STK3: variants seen among roughly 807,000 people sequenced by gnomAD.
STK3 encodes serine/threonine kinase 3.
A neutral mutation model predicts 58.0 loss-of-function variants in STK3; 41 were observed. The ratio of observed to expected loss-of-function variants is 0.71; its 90% CI spans 0.55 to 0.92. The LOEUF (loss-of-function observed/expected upper bound fraction) is 0.92, where lower values mean the gene tolerates loss of function less well. STK3 is among the 40% of genes least tolerant of loss of function. STK3 has a pLI of 0.00. For missense variants in STK3, 479 were observed against 602.7 expected (o/e 0.79, Z 2.15); for synonymous variants, 170 against 191.0 (o/e 0.89, Z 0.91).
intron 3 of STK3, among the ~76,000 whole-genome samples, chr8:98,761,502 T>A (rs1830612582): frequency 6.6e-6 from 1 of 152,216 alleles, no homozygotes; most frequent in Non-Finnish European, 1.5e-5. Flanking sequence ...GTATACTTTT[T>A]AAAAGTCTTC....
intron 1 of STK3, among the ~76,000 whole-genome samples, chr8:98,923,854 T>TGTGCGC (rs1491486943): frequency 1.3e-3 from 151 of 113,670 alleles, no homozygotes; most frequent in East Asian, 4.5e-3. Flanking sequence ...TGTGTGTGTG[T>TGTGCGC]GCGCGCGCGC....
chr8:98,604,323 C>T (rs895258520), intron 6 of STK3, among the ~76,000 whole-genome samples: 24 of 152,294 alleles, frequency 1.6e-4, no homozygotes, highest in African/African-American at 4.3e-4. Flanking sequence ...TGATAAAAGG[C>T]GTGGGCTCCC....
At chr8:98,566,554 A>G (rs1586878950) in intron 8 of STK3, among the ~76,000 whole-genome samples, 1 of 152,206 alleles carries the variant, frequency 6.6e-6, no homozygotes, top group Non-Finnish European at 1.5e-5. Context: ...TCAGTTCTGA[A>G]ATTCTGAAAT....
At chr8:98,380,539 G>A (rs918955189) in intron 1 of STK3, among the ~76,000 whole-genome samples, 4 of 152,228 alleles carry the variant, frequency 2.6e-5, no homozygotes, top group East Asian at 1.9e-4. Context: ...TTATTTCGAG[G>A]AATGCTATTT....
chr8:98,753,043 T>C (rs991389775), intron 3 of STK3, among the ~76,000 whole-genome samples: 2 of 151,634 alleles, frequency 1.3e-5, no homozygotes, highest in Non-Finnish European at 2.9e-5. Flanking sequence ...TTGTGGAAGA[T>C]AGTGTGGCAA....
intron 6 of STK3, among the ~76,000 whole-genome samples, chr8:98,620,387 A>T (rs541207190): frequency 1.4e-5 from 2 of 143,834 alleles, no homozygotes; most frequent in Non-Finnish European, 3.0e-5. Flanking sequence ...TAGTGGGTGC[A>T]GCACACCAGC....
At chr8:98,927,517 G>T (rs1384073863) in intron 1 of STK3, among the ~76,000 whole-genome samples, 1 of 152,194 alleles carries the variant, frequency 6.6e-6, no homozygotes, top group Non-Finnish European at 1.5e-5. Context: ...CTTACCCTGT[G>T]CTGGGAACAG....
chr8:98,442,992 C>CAA lies in STK3; in HGVS notation n.186-5786_186-5785dup, dbSNP rs55664519. On this transcript the variant is annotated intron_variant and non_coding_transcript_variant, in intron 1 of 3. Transcript: ENST00000517832. ...AAATTAAACTGGCTCTTAGCTAAAG[C>CAA]AAAAAAAAAAAACAACAAAAAACCC... Among the ~76,000 whole-genome samples the CAA allele has an allele frequency of 2.0e-3, 293 of 147,296 alleles. 1 individual carries two copies. The highest frequency in any genetic ancestry group is 7.0e-3 in the Middle Eastern group (2 of 284).
At chr8:98,464,313 CCATTTTAG>C (rs991917760) in intron 10 of STK3, among the ~76,000 whole-genome samples, 7 of 151,606 alleles carry the variant, frequency 4.6e-5, no homozygotes, top group Non-Finnish European at 1.0e-4. Context: ...CCTTAATATT[CCATTTTAG>C]CTGAAATTTT....
intron 2 of STK3, among the ~76,000 whole-genome samples, chr8:98,769,449 T>C (rs1355121285): frequency 6.6e-6 from 1 of 152,236 alleles, no homozygotes; most frequent in African/African-American, 2.4e-5. Flanking sequence ...GCCATCCATG[T>C]ACGATGTGAC....
At chr8:98,445,681 C>A (rs1218666859) in intron 1 of STK3, among the ~76,000 whole-genome samples, 1 of 152,116 alleles carries the variant, frequency 6.6e-6, no homozygotes, top group Non-Finnish European at 1.5e-5. Context: ...AGAAGATAAG[C>A]TTTTCACTCG....
intron 4 of STK3, among the ~76,000 whole-genome samples, chr8:98,744,739 T>TA (rs1364852801): frequency 3.3e-5 from 5 of 151,378 alleles, no homozygotes; most frequent in South Asian, 2.1e-4. Flanking sequence ...TAATAATAAT[T>TA]AAAAAAAACA....
At chr8:98,505,640 G>A (rs531751338) in intron 10 of STK3, among the ~76,000 whole-genome samples, 1 of 152,274 alleles carries the variant, frequency 6.6e-6, no homozygotes, top group South Asian at 2.1e-4. Context: ...TTCCTTCTAA[G>A]AATCAGGTCC....
intron 8 of STK3, among the ~76,000 whole-genome samples, chr8:98,575,315 T>C (rs1813307004): frequency 6.6e-6 from 1 of 151,100 alleles, no homozygotes. Context: ...TCCTATTGCC[T>C]TGAGTGCAGG....
At chr8:98,512,373 A>G (rs1401964421) in intron 10 of STK3, among the ~76,000 whole-genome samples, 2 of 152,172 alleles carry the variant, frequency 1.3e-5, no homozygotes, top group Admixed American at 1.3e-4. Context: ...TAAGCCTTAG[A>G]CTCAACTTGT....
At chr8:98,704,212 C>A (rs892306836) in intron 6 of STK3, among the ~76,000 whole-genome samples, 2 of 152,104 alleles carry the variant, frequency 1.3e-5, no homozygotes, top group Non-Finnish European at 2.9e-5. Context: ...CCAAGTGAAC[C>A]TGTCATTTCA....
chr8:98,712,401 G>A (rs1180276381), intron 4 of STK3, among the ~76,000 whole-genome samples: 1 of 152,054 alleles, frequency 6.6e-6, no homozygotes, highest in African/African-American at 2.4e-5. Flanking sequence ...CTCACGAGCA[G>A]AGACACACAT....
At position 98,395,875 on chromosome 8, in the gene STK3, A is replaced by T. The variant is rs971768490; in HGVS notation, n.428-7628T>A. Among the ~76,000 whole-genome samples the T allele has an allele frequency of 2.6e-5, 4 of 152,230 alleles. No homozygotes were observed. In the East Asian group the frequency reaches 7.7e-4, roughly 29 times the overall value. On this transcript the variant is annotated intron_variant and non_coding_transcript_variant, in intron 3 of 5. Transcript: ENST00000649151. ...AAAACAGGACAGAATGAAACAGATG[A>T]TTCTAAGAGATGATTCTAGGGCATT...
intron 6 of STK3, among the ~76,000 whole-genome samples, chr8:98,613,425 AAG>A (rs1338769402): frequency 2.0e-5 from 3 of 152,350 alleles, no homozygotes; most frequent in South Asian, 2.1e-4. Flanking sequence ...CAAATATTTT[AAG>A]AGTCTTTAAA....
Sources: gnomAD v4.1 joint callset for allele counts (sites outside exome capture counted in the v4.1 genomes callset) on GRCh38, gnomAD v4.1.1 for gene constraint, MANE v1.5 for transcripts, NCBI Gene and HGNC (gene_info 2026-07-23, HGNC 2026-07-21) for gene names.